Variants in DNAH3 observed in about 807,000 individuals in gnomAD.
DNAH3 encodes dynein axonemal heavy chain 3.
A neutral mutation model predicts 432.5 loss-of-function variants in DNAH3; 332 were observed. That is an observed-to-expected ratio of 0.77 (90% CI 0.70 to 0.84). The LOEUF is 0.84. Ranked by LOEUF, DNAH3 falls within the 40% of genes least tolerant of loss-of-function variation. The pLI is 0.00. For synonymous variants in DNAH3, 1,956 were observed against 1,900.2 expected (o/e 1.03, Z -0.76); for missense variants, 4,861 against 5,114.0 (o/e 0.95, Z 1.51).
At chr16:21,148,912 G>A (rs2092819639) in intron 1 of DNAH3, among the ~76,000 whole-genome samples, 1 of 152,084 alleles carries the variant, frequency 6.6e-6, no homozygotes, top group Non-Finnish European at 1.5e-5. Flanking sequence ...AGAACTAGCT[G>A]GTTGTGCAAA....
At chr16:21,083,379 C>T (rs1331617681) in intron 19 of DNAH3, among the ~76,000 whole-genome samples, 2 of 152,122 alleles carry the variant, frequency 1.3e-5, no homozygotes, top group East Asian at 3.9e-4. Flanking sequence ...GAAGTAGTTA[C>T]CGTTGAAATA....
intron 24 of DNAH3, among the ~76,000 whole-genome samples, chr16:21,065,820 AGTTT>A (rs888057475): frequency 2.1e-5 from 3 of 143,902 alleles, no homozygotes; most frequent in Non-Finnish European, 3.1e-5. Flanking sequence ...GATACTTCTG[AGTTT>A]GTTTATTTAT....
At chr16:20,988,394 T>C (rs2086322373) in intron 44 of DNAH3, among the ~76,000 whole-genome samples, 1 of 152,208 alleles carries the variant, frequency 6.6e-6, no homozygotes, top group African/African-American at 2.4e-5. Flanking sequence ...GTGCTCATTA[T>C]TATATCATAT....
At chr16:20,964,351 T>G (rs1286292356) in exon 53 of DNAH3, 5 of 1,614,176 alleles carry the variant, frequency 3.1e-6, no homozygotes. Context: ...GTAATGTGGA[T>G]TCCTCAAACG....
chr16:21,004,248 G>A (rs993284463), intron 41 of DNAH3, among the ~76,000 whole-genome samples: 14 of 152,086 alleles, frequency 9.2e-5, no homozygotes, highest in South Asian at 8.3e-4. Context: ...ATAATAAACC[G>A]TCCTGTACGC....
chr16:20,951,616 G>A (rs1300138302), intron 56 of DNAH3, among the ~76,000 whole-genome samples: 2 of 149,030 alleles, frequency 1.3e-5, no homozygotes, highest in African/African-American at 2.5e-5. Flanking sequence ...GCTAATTTTT[G>A]TATTTTTTGT....
intron 41 of DNAH3, among the ~76,000 whole-genome samples, chr16:21,005,158 TTTC>T (rs1198864201): frequency 2.1e-5 from 3 of 142,306 alleles, no homozygotes; most frequent in Non-Finnish European, 3.0e-5. Flanking sequence ...GTCTCTTTCT[TTTC>T]TTTCTTTCTT....
chr16:21,009,799 TGGG>T (rs2087490797), intron 41 of DNAH3, among the ~76,000 whole-genome samples: 1 of 151,528 alleles, frequency 6.6e-6, no homozygotes, highest in African/African-American at 2.4e-5. Context: ...CACCTGGGCC[TGGG>T]GCACTAAGAC....
At chr16:20,949,144 G>A (rs2084194173) in intron 56 of DNAH3, among the ~76,000 whole-genome samples, 1 of 151,526 alleles carries the variant, frequency 6.6e-6, no homozygotes, top group African/African-American at 2.4e-5. Flanking sequence ...TGCCATGAGT[G>A]CAAGTGCCAA....
At chr16:21,140,840 G>A (rs2092709197) in intron 4 of DNAH3, 130 bp from the exon 6 acceptor site, 1 of 735,512 alleles carries the variant, frequency 1.4e-6, no homozygotes, top group African/African-American at 1.8e-5. Context: ...GTCATCTAAT[G>A]GCATGTGTGT....
In DNAH3 at chr16:21,140,644, C is replaced by T. The variant is rs752076662; in HGVS notation, c.588G>A (p.Thr196=). The change falls in exon 5 of 62, where the codon ACG becomes ACA. Residue 196 remains threonine (T), a synonymous_variant. Coordinates refer to ENST00000261383, the Ensembl canonical transcript of DNAH3. ...GACTCATTGGTCTGCTTCCTGGGAA[C>T]GTCAAAGATGTCTTTACCTCCTTCT... is the stretch of plus-strand genomic sequence containing the variant. The T allele has an allele frequency of 2.8e-5, 45 of 1,614,128 alleles. No individual in the cohort carries two copies. The East Asian group carries it at 7.8e-4, about 28-fold the overall frequency.
At chr16:20,952,376 A>T (rs2084355463) in intron 56 of DNAH3, 57 bp downstream of exon 56, 5 of 1,045,496 alleles carry the variant, frequency 4.8e-6, no homozygotes, top group Non-Finnish European at 7.5e-6. Context: ...GGAGAACAGC[A>T]GGAGGGTGGA....
chr16:21,027,193 T>C, intron 37 of DNAH3, 66 bp from the exon 38 acceptor site: 1 of 1,143,926 alleles, frequency 8.7e-7, no homozygotes, highest in East Asian at 2.4e-5. Flanking sequence ...AAGTAAGAGG[T>C]CTCAGTGCAG....
chr16:21,153,612 C>T (rs951347330), intron 1 of DNAH3, among the ~76,000 whole-genome samples: 11 of 152,136 alleles, frequency 7.2e-5, no homozygotes, highest in East Asian at 3.9e-4. Flanking sequence ...GGGTTCATGC[C>T]GCCTTAATAG....
chr16:21,075,500 T>C (rs745554099), exon 21 of DNAH3: 4 of 1,614,052 alleles, frequency 2.5e-6, no homozygotes, highest in Non-Finnish European at 3.4e-6. Context: ...TCCAACTTCA[T>C]TCTATCCAAG....
In DNAH3 at chr16:21,039,947, G is replaced by T; in HGVS notation, c.4639-4C>A. ...TGGCCACTGTCCGGAACAAGGCCTG[G>T]AAAAGAAACAACAAATCAGAATCGG... On this transcript the variant is annotated splice_region_variant and splice_polypyrimidine_tract_variant and intron_variant, in intron 32 of 61. Coordinates refer to ENST00000261383, the Ensembl canonical transcript of DNAH3. 1.2e-6 allele frequency: 2 copies of T among 1,611,852 alleles called. No individual in the cohort carries two copies. The highest frequency in any genetic ancestry group is 1.7e-6 in the Non-Finnish European group (2 of 1,178,206).
chr16:21,106,531 C>A (rs755183942), exon 15 of DNAH3: 3 of 1,612,044 alleles, frequency 1.9e-6, no homozygotes, highest in Middle Eastern at 1.7e-4. Flanking sequence ...CAGCCGTTCA[C>A]TTGCATCTCT....
At chr16:21,035,535 T>C (rs72780840) in intron 35 of DNAH3, among the ~76,000 whole-genome samples, 36,856 of 151,022 alleles carry the variant, frequency 0.24, 4,667 homozygotes, top group Admixed American at 0.32. Context: ...AAAAGTAAGA[T>C]GGATGGATGG....
At chr16:21,107,589 C>T (rs146113377) in intron 14 of DNAH3, among the ~76,000 whole-genome samples, 104 of 152,242 alleles carry the variant, frequency 6.8e-4, no homozygotes, top group African/African-American at 2.4e-3. Context: ...TCATGGGCTA[C>T]AGGTAATCCC....
Sources: gnomAD v4.1 joint callset for allele counts (sites outside exome capture counted in the v4.1 genomes callset) on GRCh38, gnomAD v4.1.1 for gene constraint, MANE v1.5 for transcripts, NCBI Gene and HGNC (gene_info 2026-07-23, HGNC 2026-07-21) for gene names.